Variants in TBCCD1 observed in about 807,000 individuals in gnomAD.
TBCCD1 encodes the protein TBCC domain containing 1, also known as TBCC domain-containing protein 1.
TBCCD1 carries 26 observed loss-of-function variants against 53.4 expected under a neutral mutation model. That is an observed-to-expected ratio of 0.49 (90% CI 0.36 to 0.68). TBCCD1 has a LOEUF of 0.68. TBCCD1 is among the 30% of genes least tolerant of loss of function. TBCCD1 has a pLI of 0.00. For missense variants in TBCCD1, 558 were observed against 669.5 expected (o/e 0.83, Z 1.84); for synonymous variants, 245 against 241.7 (o/e 1.01, Z -0.13).
At chr3:186,554,006 C>T (rs987013766) in intron 6 of TBCCD1, among the ~76,000 whole-genome samples, 3 of 152,206 alleles carry the variant, frequency 2.0e-5, no homozygotes, top group African/African-American at 7.2e-5. Context: ...CGCCACCACA[C>T]CCAGCTAATT....
intron 1 of TBCCD1, among the ~76,000 whole-genome samples, chr3:186,565,792 A>G (rs567131188): frequency 3.9e-5 from 6 of 152,336 alleles, no homozygotes; most frequent in African/African-American, 1.4e-4. Context: ...TTTCAGATGT[A>G]CTTTTGTGAA....
chr3:186,558,553 T>A lies in TBCCD1; in HGVS notation c.356A>T (p.Gln119Leu). ...QRNQLSVDTL[Q>L]FLLFLYIQQL... ...TTGAATGTATAAGAAGAGCAGAAAC[T>A]GTAGCGTGTCCACTGAAAGCTGTCC... The change falls in exon 3 of 8, where the codon CAG becomes CTG. Residue 119 changes from glutamine (Q) to leucine (L), a missense_variant. Transcript: ENST00000338733. 1 of 1,613,846 alleles carries A rather than the reference T, an allele frequency of 6.2e-7. No individual in the cohort carries two copies. Among genetic ancestry groups the A allele is most frequent in the Non-Finnish European group, 8.5e-7 (1 of 1,179,930 alleles).
chr3:186,551,152 A>G lies in TBCCD1; in HGVS notation c.1672T>C (p.Ter558GlnextTer22), dbSNP rs138589290. The G allele has an allele frequency of 6.2e-7, 1 of 1,611,428 alleles. No homozygotes were observed. Among genetic ancestry groups the G allele is most frequent in the African/African-American group, 1.3e-5 (1 of 74,810 alleles). The change falls in exon 7 of 8, where the codon TAA (stop) becomes CAA (glutamine). Residue 558 changes from the stop codon to glutamine (Q), a stop_lost. Coordinates refer to ENST00000338733, the MANE Select transcript of TBCCD1 (RefSeq NM_018138.5). ...ACCAGTGTCTGCATGTAAGATCCTTATCCAGCTGCTTGTTTGGAGCCTGCT... is the reference window on the plus strand; with the variant it reads ...ACCAGTGTCTGCATGTAAGATCCTTGTCCAGCTGCTTGTTTGGAGCCTGCT... ...PAAGSKQAAG* is the reference protein window; with the variant it reads ...PAAGSKQAAGQ
At chr3:186,561,860 A>G (rs1312147880) in intron 2 of TBCCD1, among the ~76,000 whole-genome samples, 7 of 152,224 alleles carry the variant, frequency 4.6e-5, no homozygotes, top group Non-Finnish European at 1.0e-4. Flanking sequence ...CGATCTAGCA[A>G]TCCCACTTCT....
intron 2 of TBCCD1, among the ~76,000 whole-genome samples, chr3:186,558,798 T>C (rs1714614108): frequency 6.6e-6 from 1 of 152,150 alleles, no homozygotes; most frequent in South Asian, 2.1e-4. Context: ...TGGAGTGCAA[T>C]GATGCGATCT....
At chr3:186,559,259 G>A (rs995996799) in intron 2 of TBCCD1, among the ~76,000 whole-genome samples, 3 of 152,188 alleles carry the variant, frequency 2.0e-5, no homozygotes, top group African/African-American at 7.2e-5. Flanking sequence ...AGAAAATTCA[G>A]TTAAGACAGA....
intron 6 of TBCCD1, among the ~76,000 whole-genome samples, chr3:186,551,702 T>C (rs1191662197): frequency 6.6e-6 from 1 of 152,212 alleles, no homozygotes; most frequent in Non-Finnish European, 1.5e-5. Flanking sequence ...AGGCCGGGCA[T>C]GGTGACTAAC....
At chr3:186,555,158 C>A (rs140151440) in intron 4 of TBCCD1, 74 bp from the exon 5 acceptor site, 2 of 1,396,056 alleles carry the variant, frequency 1.4e-6, no homozygotes, top group African/African-American at 2.9e-5. Context: ...TGAGGTTACA[C>A]GTCTACATGT....
Position 186,551,182 on chromosome 3 carries a change from G to C in TBCCD1, c.1642C>G (p.Pro548Ala). The C allele has an allele frequency of 1.2e-6, 2 of 1,612,110 alleles. No homozygotes were observed. Among genetic ancestry groups the C allele is most frequent in the Non-Finnish European group, 1.7e-6 (2 of 1,179,836 alleles). The change falls in exon 7 of 8, where the codon CCT becomes GCT. Residue 548 changes from proline to alanine, a missense_variant. Coordinates refer to ENST00000338733, the MANE Select transcript of TBCCD1 (RefSeq NM_018138.5). ...HRQQLDSLVPPAAGSKQAAG is the reference protein window; with the variant it reads ...HRQQLDSLVPAAAGSKQAAG ...GCTGCTTGTTTGGAGCCTGCTGCAG[G>C]GGGTACAAGGCTGTCCAGCTGTTGG... is the stretch of plus-strand genomic sequence containing the variant.
intron 7 of TBCCD1, among the ~76,000 whole-genome samples, chr3:186,550,785 A>AG (rs1259402250): frequency 6.6e-6 from 1 of 152,108 alleles, no homozygotes; most frequent in African/African-American, 2.4e-5. Flanking sequence ...GGTTTTTGTG[A>AG]GGGGAATGGA....
intron 7 of TBCCD1, among the ~76,000 whole-genome samples, chr3:186,548,348 G>C (rs1714272157): frequency 1.3e-5 from 2 of 152,200 alleles, no homozygotes; most frequent in African/African-American, 2.4e-5. Context: ...AGGACTAAGG[G>C]GAAGAGGAAA....
intron 3 of TBCCD1, 58 bp from the exon 4 acceptor site, chr3:186,556,833 T>C: frequency 6.6e-7 from 1 of 1,526,338 alleles, no homozygotes; most frequent in Non-Finnish European, 8.8e-7. Flanking sequence ...GATCTAAAAT[T>C]TCTATATTTT....
intron 1 of TBCCD1, among the ~76,000 whole-genome samples, chr3:186,565,104 T>C (rs1714789587): frequency 6.9e-6 from 1 of 144,480 alleles, no homozygotes; most frequent in Admixed American, 6.8e-5. Context: ...TTCCTTCTTC[T>C]TCTTCTTTTT....
chr3:186,565,186 C>A (rs1714794113), intron 1 of TBCCD1, among the ~76,000 whole-genome samples: 1 of 148,206 alleles, frequency 6.7e-6, no homozygotes, highest in Non-Finnish European at 1.5e-5. Context: ...TCTCAGCTCA[C>A]TGCAACCTCC....
Position 186,554,965 on chromosome 3 carries a change from G to C in TBCCD1, c.979C>G (p.Leu327Val), listed in dbSNP as rs150640512. ...TGAATCTTTACATGTGCCCCCGCCA[G>C]AGTGTCTGAGCTCTTAGCCAGTGTC... The part of the protein sequence containing the change: ...KQTLAKSSDT[L>V]AGAHVKIHRC... The change falls in exon 5 of 8, where the codon CTG becomes GTG. Residue 327 changes from leucine (L) to valine (V), a missense_variant. Leu to Val is a conservative substitution (Grantham distance 32, BLOSUM62 1). Transcript: ENST00000338733. 2 of 1,613,962 alleles carry C rather than the reference G, an allele frequency of 1.2e-6. 1 individual carries two copies. The highest frequency in any genetic ancestry group is 2.7e-5 in the African/African-American group (2 of 75,042).
chr3:186,551,963 C>T (rs1578965120), intron 6 of TBCCD1, among the ~76,000 whole-genome samples: 1 of 151,954 alleles, frequency 6.6e-6, no homozygotes, highest in South Asian at 2.1e-4. Context: ...GGCAACAAAG[C>T]GAGATGCTGT....
chr3:186,570,146 G>T (rs2108470171), upstream of TBCCD1: 1 of 702,838 alleles, frequency 1.4e-6, no homozygotes, highest in African/African-American at 1.7e-5. Flanking sequence ...ACTTAAGTCG[G>T]TCTGTCATCA....
At chr3:186,553,942 G>T (rs1364658345) in intron 6 of TBCCD1, among the ~76,000 whole-genome samples, 1 of 152,096 alleles carries the variant, frequency 6.6e-6, no homozygotes, top group Non-Finnish European at 1.5e-5. Context: ...CCGCCTCCTG[G>T]GTTCAAGCAA....
Position 186,555,080 on chromosome 3 carries a change from T to C in TBCCD1, c.864A>G (p.Glu288=), listed in dbSNP as rs1416428274. The C allele has an allele frequency of 5.7e-6, 9 of 1,591,448 alleles. No homozygotes were observed. Among genetic ancestry groups the C allele is most frequent in the Non-Finnish European group, 7.7e-6 (9 of 1,170,520 alleles). ...GKKLAWAHQV[E]GTTKRAKIAC... Reference sequence around the variant, plus strand: ...CAATCTTAGCTCTTTTGGTGGTCCCTTCAACTATTTAAGAAAACATATAAA... The same window carrying C: ...CAATCTTAGCTCTTTTGGTGGTCCCCTCAACTATTTAAGAAAACATATAAA... Residue 288 remains glutamate (E), a synonymous_variant, in exon 5 of 8, where the codon GAA becomes GAG. Coordinates refer to ENST00000338733, the MANE Select transcript of TBCCD1 (RefSeq NM_018138.5).
Sources: gnomAD v4.1 joint callset for allele counts (sites outside exome capture counted in the v4.1 genomes callset) on GRCh38, gnomAD v4.1.1 for gene constraint, MANE v1.5 for transcripts, NCBI Gene and HGNC (gene_info 2026-07-23, HGNC 2026-07-21) for gene names.